The following FOXP1 variants were observed in gnomAD, a reference collection of about 807,000 sequenced individuals.
FOXP1 encodes forkhead box protein P1.
Under a neutral mutation model 98.2 loss-of-function variants are expected in FOXP1, and 15 were observed. The ratio of observed to expected loss-of-function variants is 0.15; its 90% CI spans 0.10 to 0.24. The LOEUF is 0.24. Among genes scored for constraint, FOXP1 ranks in the 10% least tolerant of loss-of-function variants. The pLI is 1.00. For synonymous variants in FOXP1, 371 were observed against 314.5 expected (o/e 1.18, Z -1.90); for missense variants, 633 against 848.5 (o/e 0.75, Z 3.15).
chr3:71,312,161 T>C (rs1013226283), intron 4 of FOXP1, among the ~76,000 whole-genome samples: 1 of 152,086 alleles, frequency 6.6e-6, no homozygotes, highest in African/African-American at 2.4e-5. Flanking sequence ...CTGGCAAGGG[T>C]GTACGCATAT....
intron 5 of FOXP1, among the ~76,000 whole-genome samples, chr3:71,283,296 C>T (rs896305049): frequency 6.6e-6 from 1 of 151,928 alleles, no homozygotes; most frequent in Non-Finnish European, 1.5e-5. Flanking sequence ...CGGAGCCCCA[C>T]CCCCAACCCC....
chr3:71,319,585 G>A (rs1166935868), intron 4 of FOXP1, among the ~76,000 whole-genome samples: 3 of 152,080 alleles, frequency 2.0e-5, no homozygotes, highest in Non-Finnish European at 4.4e-5. Flanking sequence ...AAAAACTTCT[G>A]TAAAGAGCTG....
chr3:71,566,000 T>C (rs1270776514), intron 2 of FOXP1, among the ~76,000 whole-genome samples: 3 of 152,168 alleles, frequency 2.0e-5, no homozygotes, highest in Non-Finnish European at 4.4e-5. Context: ...ATGTGTTACT[T>C]CCACAATGGC....
At chr3:71,451,553 C>T (rs1271883630) in intron 3 of FOXP1, among the ~76,000 whole-genome samples, 1 of 151,944 alleles carries the variant, frequency 6.6e-6, no homozygotes, top group Non-Finnish European at 1.5e-5. Flanking sequence ...TTTAACACCC[C>T]CAGTAATCCT....
At chr3:71,076,992 G>A (rs1305007187) in intron 7 of FOXP1, among the ~76,000 whole-genome samples, 4 of 152,178 alleles carry the variant, frequency 2.6e-5, no homozygotes. Context: ...ACAGGGATTG[G>A]AAACACATAA....
At chr3:71,466,445 A>G (rs1273686450) in intron 3 of FOXP1, among the ~76,000 whole-genome samples, 1 of 152,256 alleles carries the variant, frequency 6.6e-6, no homozygotes, top group Non-Finnish European at 1.5e-5. Flanking sequence ...TATGACATAC[A>G]TTTCATTTTG....
intron 2 of FOXP1, among the ~76,000 whole-genome samples, chr3:71,536,573 C>CTTT (rs3039465): frequency 2.2e-5 from 3 of 135,012 alleles, no homozygotes; most frequent in East Asian, 2.2e-4. Context: ...AACCATGTCT[C>CTTT]TTTTTTTTTT....
chr3:71,582,987 G>A (rs1235912266), intron 1 of FOXP1, among the ~76,000 whole-genome samples: 2 of 152,056 alleles, frequency 1.3e-5, no homozygotes, highest in Non-Finnish European at 2.9e-5. Flanking sequence ...GAAAGAAGGG[G>A]AAAAGTTTGC....
rs937751027 is a variant in FOXP1, at chr3:70,956,501, A to C, written c.*2746T>G. 1 of 229,084 alleles carries C rather than the reference A, an allele frequency of 4.4e-6. No individual in the cohort carries two copies. The highest frequency in any genetic ancestry group is 2.2e-5 in the African/African-American group (1 of 44,772). 14.2% of individuals were successfully genotyped at this position (229,084 alleles called of 1,614,324 possible). On this transcript the variant is annotated 3_prime_UTR_variant, in exon 21 of 21. Transcript: ENST00000649528. ...AACTGAGTGAAATGTTTTTTTTTTA[A>C]ATTTTAATCATTCCCTAAAGGTTTG...
At chr3:71,329,880 C>T (rs1307465873) in intron 4 of FOXP1, 1 of 152,050 alleles carries the variant, frequency 6.6e-6, no homozygotes, top group Non-Finnish European at 1.5e-5. Context: ...TATTAACATG[C>T]GAGTGTTCAT....
At chr3:71,422,332 G>A (rs1401217520) in intron 3 of FOXP1, among the ~76,000 whole-genome samples, 1 of 152,182 alleles carries the variant, frequency 6.6e-6, no homozygotes, top group East Asian at 1.9e-4. Context: ...AAATGTTCTA[G>A]TGCTCCTTAA....
chr3:71,561,304 C>T (rs915621944), intron 2 of FOXP1, among the ~76,000 whole-genome samples: 2 of 151,246 alleles, frequency 1.3e-5, no homozygotes, highest in African/African-American at 4.9e-5. Context: ...GATCTGCCCA[C>T]CAAAGTGCTA....
chr3:71,378,943 GAAA>G (rs2079935146), intron 3 of FOXP1, among the ~76,000 whole-genome samples: 1 of 152,032 alleles, frequency 6.6e-6, no homozygotes, highest in African/African-American at 2.4e-5. Context: ...GATACCATCA[GAAA>G]AAGGAAAGAG....
chr3:71,414,261 C>A (rs2083023359), intron 3 of FOXP1, among the ~76,000 whole-genome samples: 1 of 152,206 alleles, frequency 6.6e-6, no homozygotes, highest in Non-Finnish European at 1.5e-5. Flanking sequence ...TTTTGGCCAG[C>A]CGTCATAAAG....
chr3:71,025,336 G>C (rs2045967446), intron 11 of FOXP1, among the ~76,000 whole-genome samples: 1 of 152,006 alleles, frequency 6.6e-6, no homozygotes, highest in South Asian at 2.1e-4. Flanking sequence ...GGGTGGTGGG[G>C]TGGCGCACGA....
intron 5 of FOXP1, among the ~76,000 whole-genome samples, chr3:71,202,398 A>G (rs2063733259): frequency 6.6e-6 from 1 of 152,224 alleles, no homozygotes; most frequent in Admixed American, 6.5e-5. Context: ...TAGGAGTGTC[A>G]ATGTCTAAGA....
chr3:71,383,644 G>C (rs974938966), intron 3 of FOXP1, among the ~76,000 whole-genome samples: 3 of 151,998 alleles, frequency 2.0e-5, no homozygotes, highest in African/African-American at 7.2e-5. Flanking sequence ...AAAAAGCAGG[G>C]GTGTCTGTGC....
intron 2 of FOXP1, chr3:71,571,915 GAC>G (rs2047370291): frequency 6.6e-6 from 1 of 152,176 alleles, no homozygotes; most frequent in Admixed American, 6.5e-5. Context: ...GATGAAAGTA[GAC>G]ACACACTATT....
chr3:71,308,839 T>C (rs1173234050), intron 4 of FOXP1, among the ~76,000 whole-genome samples: 1 of 150,614 alleles, frequency 6.6e-6, no homozygotes, highest in Non-Finnish European at 1.5e-5. Context: ...AGCAACTCTT[T>C]ATTAAAAGCA....
Sources: allele counts gnomAD v4.1 joint callset (sites outside exome capture counted in the v4.1 genomes callset), GRCh38; gene constraint gnomAD v4.1.1; transcripts MANE v1.5; gene names NCBI Gene and HGNC (gene_info 2026-07-23, HGNC 2026-07-21).